Variants in NOX4 observed in about 807,000 individuals in gnomAD.
The protein encoded by NOX4 is NADPH oxidase 4, also known as kidney oxidase-1.
Under a neutral mutation model 87.6 loss-of-function variants are expected in NOX4, and 69 were observed. That is an observed-to-expected ratio of 0.79 (90% CI 0.65 to 0.96). The LOEUF is 0.96. Among genes scored for constraint, NOX4 ranks in the 40% least tolerant of loss-of-function variants. The pLI, the probability that NOX4 is intolerant of heterozygous loss-of-function variation, is 0.00. For missense variants in NOX4, 680 were observed against 681.5 expected, an observed-to-expected ratio of 1.00 and a Z score of 0.02; for synonymous variants, 275 against 238.2, an observed-to-expected ratio of 1.15 and a Z score of -1.42.
chr11:89,355,000 G>A lies in NOX4; in HGVS notation c.1179C>T (p.Ser393=), dbSNP rs75735530. Residue 393 remains serine, a synonymous_variant, in exon 13 of 18, where the codon TCC becomes TCT. Coordinates refer to ENST00000263317, the MANE Select transcript of NOX4 (RefSeq NM_016931.5). ...DLLLPPSSQD[S]EILPFIQSRN... ...TAGATTGAATGAAGGGCAGAATTTCGGAGTCTTGACTAGATGGAGGCAGTA... is the reference window on the plus strand; with the variant it reads ...TAGATTGAATGAAGGGCAGAATTTCAGAGTCTTGACTAGATGGAGGCAGTA... 0.076 allele frequency: 121,694 copies of A among 1,597,062 alleles called. 5,021 individuals carry two copies. Among genetic ancestry groups the A allele is most frequent in the Admixed American group, 0.16 (9,345 of 58,472 alleles).
intron 2 of NOX4, among the ~76,000 whole-genome samples, chr11:89,488,245 G>A (rs1326366715): frequency 6.6e-6 from 1 of 151,770 alleles, no homozygotes; most frequent in Non-Finnish European, 1.5e-5. Context: ...TATGCTCCTA[G>A]TCTTCCATTT....
At chr11:89,458,539 T>G (rs1009831566) in intron 2 of NOX4, among the ~76,000 whole-genome samples, 2 of 152,084 alleles carry the variant, frequency 1.3e-5, no homozygotes, top group Non-Finnish European at 2.9e-5. Context: ...ATGAAAATAT[T>G]TGAAAACCAT....
intron 17 of NOX4, among the ~76,000 whole-genome samples, chr11:89,330,003 T>G (rs1389058740): frequency 1.3e-5 from 2 of 152,092 alleles, no homozygotes; most frequent in African/African-American, 4.8e-5. Flanking sequence ...GTCTAATTTC[T>G]AATATTTTTA....
intron 7 of NOX4, among the ~76,000 whole-genome samples, chr11:89,431,176 C>T (rs1943760637): frequency 6.6e-6 from 1 of 152,148 alleles, no homozygotes; most frequent in Non-Finnish European, 1.5e-5. Context: ...AACTGGATCC[C>T]TTCCTTACAC....
chr11:89,547,615 A>G, the NOX4 span, among the ~76,000 whole-genome samples: 757 of 152,302 alleles, frequency 5.0e-3, 3 homozygotes, highest in African/African-American at 0.01. Context: ...GATTAATACA[A>G]CATTAAAGAT....
the NOX4 span, among the ~76,000 whole-genome samples, chr11:89,523,740 GAA>G: frequency 1.3e-5 from 2 of 152,152 alleles, no homozygotes; most frequent in African/African-American, 2.4e-5. Context: ...ATCAATGAGT[GAA>G]GAGATAAACA....
At chr11:89,516,748 G>A in the NOX4 span, among the ~76,000 whole-genome samples, 1 of 152,068 alleles carries the variant, frequency 6.6e-6, no homozygotes, top group African/African-American at 2.4e-5. Flanking sequence ...TTCAATGCCG[G>A]ATTTTTCCCC....
chr11:89,418,355 CT>C (rs1346196569), intron 8 of NOX4, among the ~76,000 whole-genome samples: 2 of 150,982 alleles, frequency 1.3e-5, no homozygotes, highest in African/African-American at 4.9e-5. Context: ...AACTGGAAAT[CT>C]ACTTACTAGC....
the NOX4 span, chr11:89,577,109 T>A: frequency 6.6e-6 from 1 of 152,132 alleles, no homozygotes; most frequent in East Asian, 1.9e-4. Context: ...TAATATCACC[T>A]TATCTCCTTC....
Position 89,421,020 on chromosome 11 carries a change from C to A in NOX4, c.629+882G>T, listed in dbSNP as rs1043920540. ...CCAATGCAAGGTAGACCATGCTTAC[C>A]CACATGGGTTTCTTATCTTAGAGTT... On this transcript the variant is annotated intron_variant, in intron 8 of 17. Transcript: ENST00000263317. Among the ~76,000 whole-genome samples, 8 of 152,098 alleles carry A rather than the reference C, an allele frequency of 5.3e-5. No individual in the cohort carries two copies. The East Asian group carries it at 1.2e-3, about 22-fold the overall frequency.
intron 4 of NOX4, among the ~76,000 whole-genome samples, chr11:89,446,418 T>C (rs987829551): frequency 6.6e-6 from 1 of 152,062 alleles, no homozygotes; most frequent in African/African-American, 2.4e-5. Flanking sequence ...CACATTAATG[T>C]TTACAGCAGC....
At chr11:89,471,056 G>A (rs983457754) in intron 2 of NOX4, among the ~76,000 whole-genome samples, 1 of 152,102 alleles carries the variant, frequency 6.6e-6, no homozygotes, top group Non-Finnish European at 1.5e-5. Context: ...GGGCTTGCTA[G>A]GGCCCATATC....
chr11:89,560,996 C>CTCTA, the NOX4 span, among the ~76,000 whole-genome samples: 190 of 40,784 alleles, frequency 4.7e-3, 3 homozygotes, highest in Non-Finnish European at 5.8e-3. Context: ...CTCTCTCTCT[C>CTCTA]TATATATATA....
intron 12 of NOX4, among the ~76,000 whole-genome samples, chr11:89,364,714 A>T (rs1255990088): frequency 1.3e-5 from 2 of 152,244 alleles, no homozygotes; most frequent in African/African-American, 2.4e-5. Flanking sequence ...TATTTTCTGA[A>T]CTATACCAAA....
At chr11:89,460,765 C>T (rs867397945) in intron 2 of NOX4, among the ~76,000 whole-genome samples, 23 of 152,266 alleles carry the variant, frequency 1.5e-4, no homozygotes, top group African/African-American at 5.1e-4. Flanking sequence ...CCTCAGGGAT[C>T]TAGAACTAGA....
At chr11:89,327,015 A>C in intron 17 of NOX4, 139 bp from the exon 18 acceptor site, 1 of 731,192 alleles carries the variant, frequency 1.4e-6, no homozygotes, top group African/African-American at 1.8e-5. Context: ...CAATTTTCTA[A>C]TTATTTCCAA....
intron 7 of NOX4, among the ~76,000 whole-genome samples, chr11:89,422,692 C>T (rs1290168273): frequency 6.6e-6 from 1 of 152,080 alleles, no homozygotes; most frequent in Non-Finnish European, 1.5e-5. Flanking sequence ...TTAGAGAAAC[C>T]CTTACTTAAG....
the NOX4 span, among the ~76,000 whole-genome samples, chr11:89,535,458 C>T: frequency 3.3e-5 from 5 of 152,200 alleles, no homozygotes; most frequent in Non-Finnish European, 7.3e-5. Flanking sequence ...CATTAATTTA[C>T]ACACTAAAGG....
chr11:89,470,264 T>C (rs1296757659), intron 2 of NOX4, among the ~76,000 whole-genome samples: 3 of 152,176 alleles, frequency 2.0e-5, no homozygotes, highest in African/African-American at 7.2e-5. Context: ...AATGAACTTA[T>C]GGCATGGCTT....
Sources: allele counts gnomAD v4.1 joint callset (sites outside exome capture counted in the v4.1 genomes callset), GRCh38; gene constraint gnomAD v4.1.1; transcripts MANE v1.5; gene names NCBI Gene and HGNC (gene_info 2026-07-23, HGNC 2026-07-21).